ZBTB47: variants seen among roughly 807,000 people sequenced by gnomAD.
The protein encoded by ZBTB47 is zinc finger and BTB domain containing 47.
Under a neutral mutation model 56.6 loss-of-function variants are expected in ZBTB47, and 24 were observed. That is an observed-to-expected ratio of 0.42 (90% CI 0.31 to 0.60). ZBTB47 has a LOEUF of 0.60. Among genes scored for constraint, ZBTB47 ranks in the 20% least tolerant of loss-of-function variants. The pLI, the probability that ZBTB47 is intolerant of heterozygous loss-of-function variation, is 0.14. For missense variants in ZBTB47, 829 were observed against 1,032.6 expected (o/e 0.80, Z 2.70); for synonymous variants, 414 against 418.9 (o/e 0.99, Z 0.14).
intron 2 of ZBTB47, among the ~76,000 whole-genome samples, chr3:42,660,675 G>A (rs1710702333): frequency 6.6e-6 from 1 of 152,222 alleles, no homozygotes; most frequent in Non-Finnish European, 1.5e-5. Context: ...AGTGCCCTGT[G>A]GAGAAAGTGT....
chr3:42,661,726 T>A (rs1710724269), intron 3 of ZBTB47, 94 bp downstream of exon 3: 6 of 1,518,118 alleles, frequency 4.0e-6, no homozygotes, highest in Non-Finnish European at 5.3e-6. Context: ...AAGGGCAATG[T>A]GAAGGGGTGA....
In ZBTB47 at chr3:42,661,733, G is replaced by A. The variant is rs1710724368; in HGVS notation, c.1621+101G>A. On this transcript the variant is annotated intron_variant, in intron 3 of 5. Transcript: ENST00000232974. ...TCACATCCAAGGGCAATGTGAAGGG[G>A]TGAGGAGGCCCCTCTCAGCTAGGAG... The A allele has an allele frequency of 2.7e-6, 4 of 1,476,634 alleles. No homozygotes were observed. The East Asian group carries it at 9.4e-5, about 35-fold the overall frequency. 91.5% of individuals were successfully genotyped at this position (1,476,634 alleles called of 1,614,324 possible). A position where few individuals can be genotyped will look rare whatever the true frequency, so the allele number is the denominator to read the frequency against.
intron 3 of ZBTB47, 53 bp from the exon 4 acceptor site, chr3:42,662,959 G>T: frequency 7.3e-7 from 1 of 1,377,792 alleles, no homozygotes; most frequent in South Asian, 1.2e-5. Flanking sequence ...GCCCAACGTC[G>T]GGGTGCTTGG....
chr3:42,653,070 C>T (rs570599670), upstream of ZBTB47, among the ~76,000 whole-genome samples: 5 of 152,320 alleles, frequency 3.3e-5, no homozygotes, highest in South Asian at 1.0e-3. Flanking sequence ...CTGCCAGGGG[C>T]TTCCAGATGC....
Position 42,667,149 on chromosome 3 carries a change from A to T in ZBTB47, c.*2551A>T, listed in dbSNP as rs1710798615. Reference sequence around the variant, plus strand: ...GATGTCAGAATGAGGCGACTAGGGCACCATACTCACTTTCCAGGGCTGGGG... The same window carrying T: ...GATGTCAGAATGAGGCGACTAGGGCTCCATACTCACTTTCCAGGGCTGGGG... On this transcript the variant is annotated 3_prime_UTR_variant, in exon 6 of 6. Transcript: ENST00000232974. Among the ~76,000 whole-genome samples, 1 of 152,238 alleles carries T rather than the reference A, an allele frequency of 6.6e-6. No individual in the cohort carries two copies. The highest frequency in any genetic ancestry group is 6.5e-5 in the Admixed American group (1 of 15,290).
intron 2 of ZBTB47, among the ~76,000 whole-genome samples, chr3:42,661,252 C>T (rs1710713597): frequency 6.6e-6 from 1 of 152,144 alleles, no homozygotes; most frequent in South Asian, 2.1e-4. Context: ...AGAGGTGACC[C>T]CTGACCCTAG....
Position 42,664,475 on chromosome 3 carries a change from G to A in ZBTB47, c.2121G>A (p.Ala707=), listed in dbSNP as rs747609288. 118 of 1,510,750 alleles carry A rather than the reference G, an allele frequency of 7.8e-5. No individual in the cohort carries two copies. Among genetic ancestry groups the A allele is most frequent in the Non-Finnish European group, 1.5e-5 (17 of 1,133,508 alleles). The allele number at this position is 1,510,750 out of a possible 1,614,324, so 93.6% of individuals were successfully genotyped here. The change falls in exon 6 of 6, where the codon GCG becomes GCA. Residue 707 remains alanine, a synonymous_variant. Transcript: ENST00000232974. ...APGLPPTQPQ[A]HALPLLPGLP... ...GCCTGCCCCCAACCCAGCCCCAGGCGCACGCACTGCCCCTGCTCCCGGGGC... is the reference window on the plus strand; with the variant it reads ...GCCTGCCCCCAACCCAGCCCCAGGCACACGCACTGCCCCTGCTCCCGGGGC...
At position 42,663,226 on chromosome 3, in the gene ZBTB47, A is replaced by G. The variant is rs1710742942; in HGVS notation, c.1737+99A>G. 1.0e-5 allele frequency: 9 copies of G among 884,996 alleles called. No homozygotes were observed. In the East Asian group the frequency reaches 2.3e-4, roughly 22 times the overall value. 54.8% of individuals were successfully genotyped at this position (884,996 alleles called of 1,614,324 possible). A position where few individuals can be genotyped will look rare whatever the true frequency, so the allele number is the denominator to read the frequency against. Reference sequence around the variant, plus strand: ...TGAAAAACAAAGGGCTAGGGGGTGGAATGTAGTGTCCAGAAAGAGAGAGCC... The same window carrying G: ...TGAAAAACAAAGGGCTAGGGGGTGGGATGTAGTGTCCAGAAAGAGAGAGCC... On this transcript the variant is annotated intron_variant, in intron 4 of 5. Transcript: ENST00000232974. The surrounding 1 kb of genome is among the most constrained non-coding windows in gnomAD (Gnocchi z 5.1).
In ZBTB47 at chr3:42,666,023, T is replaced by C. The variant is rs1577631289; in HGVS notation, c.*1425T>C. Reference sequence around the variant, plus strand: ...TATTGCCTTCCCAGCATGGCTGGAGTGGGAAGAGGCTTGGGCCCCGGGGGA... The same window carrying C: ...TATTGCCTTCCCAGCATGGCTGGAGCGGGAAGAGGCTTGGGCCCCGGGGGA... On this transcript the variant is annotated 3_prime_UTR_variant, in exon 6 of 6. Transcript: ENST00000232974. Among the ~76,000 whole-genome samples, 1 of 152,034 alleles carries C rather than the reference T, an allele frequency of 6.6e-6. No homozygotes were observed. Among genetic ancestry groups the C allele is most frequent in the Non-Finnish European group, 1.5e-5 (1 of 67,976 alleles).
At chr3:42,660,742 C>T (rs984017219) in intron 2 of ZBTB47, among the ~76,000 whole-genome samples, 1 of 152,208 alleles carries the variant, frequency 6.6e-6, no homozygotes, top group Non-Finnish European at 1.5e-5. Flanking sequence ...CCCACTTGCC[C>T]GCCTGCTGGG....
chr3:42,664,571 C>T lies in ZBTB47; in HGVS notation c.2217C>T (p.Pro739=), dbSNP rs1270820474. 2.0e-5 allele frequency: 28 copies of T among 1,418,136 alleles called. No homozygotes were observed. The highest frequency in any genetic ancestry group is 2.8e-5 in the East Asian group (1 of 35,164). The allele number at this position is 1,418,136 out of a possible 1,614,324, so 87.8% of individuals were successfully genotyped here. ...PPPLFPTTAS[P]GGRMNANN ...CGCTCTTCCCCACCACTGCCAGCCC[C>T]GGCGGGAGGATGAACGCCAACAACT... Residue 739 remains proline (P), a synonymous_variant, in exon 6 of 6, where the codon CCC becomes CCT. Transcript: ENST00000232974.
intron 1 of ZBTB47, 70 bp from the exon 2 acceptor site, chr3:42,658,205 G>A: frequency 7.1e-7 from 1 of 1,413,044 alleles, no homozygotes; most frequent in Non-Finnish European, 9.3e-7. Flanking sequence ...AATGCTGGGA[G>A]TGGTGCTGGG....
In ZBTB47 at chr3:42,658,838, C is replaced by A; in HGVS notation, c.483C>A (p.Asp161Glu). The A allele has an allele frequency of 6.5e-7, 1 of 1,533,090 alleles. No individual in the cohort carries two copies. The highest frequency in any genetic ancestry group is 8.7e-7 in the Non-Finnish European group (1 of 1,145,290). The allele number at this position is 1,533,090 out of a possible 1,614,324, so 95.0% of individuals were successfully genotyped here. ...AGATCTATGCCCGCGAGGGCCCTGA[C>A]CCTTACTCGGTGCGTGTTGAGGACG... ...LPKIYAREGP[D>E]PYSVRVEDGA... The change falls in exon 2 of 6, where the codon GAC (aspartate) becomes GAA (glutamate). Residue 161 changes from aspartate (D) to glutamate (E), a missense_variant. Transcript: ENST00000232974.
chr3:42,663,103 A>G lies in ZBTB47; in HGVS notation c.1713A>G (p.Ser571=), dbSNP rs1168294797. ...MSLKVHSLQH[S]GEKPFRCENC... is the part of the protein sequence containing the mutation. Reference sequence around the variant, plus strand: ...TCAAGGTGCACTCACTGCAGCACTCAGGGGAGAAGCCGTTCAGATGTGAGG... The same window carrying G: ...TCAAGGTGCACTCACTGCAGCACTCGGGGGAGAAGCCGTTCAGATGTGAGG... Residue 571 remains serine, a synonymous_variant, in exon 4 of 6, where the codon TCA becomes TCG. Transcript: ENST00000232974. This position sits in a 1 kb window ranked among gnomAD's most constrained non-coding sequence, Gnocchi z 5.1. 1.2e-6 allele frequency: 2 copies of G among 1,613,790 alleles called. No homozygotes were observed. The highest frequency in any genetic ancestry group is 1.1e-5 in the South Asian group (1 of 91,084).
At position 42,664,447 on chromosome 3, in the gene ZBTB47, C is replaced by A; in HGVS notation, c.2093C>A (p.Pro698Gln). ...GCCGGCGACGGCGTCCCCGCTGCCCCAGGCCTGCCCCCAACCCAGCCCCAG... is the reference window on the plus strand; with the variant it reads ...GCCGGCGACGGCGTCCCCGCTGCCCAAGGCCTGCCCCCAACCCAGCCCCAG... ...TLAGDGVPAA[P>Q]GLPPTQPQAH... The change falls in exon 6 of 6, where the codon CCA becomes CAA. Residue 698 changes from proline to glutamine, a missense_variant. Transcript: ENST00000232974. 2 of 1,528,402 alleles carry A rather than the reference C, an allele frequency of 1.3e-6. No individual in the cohort carries two copies. The highest frequency in any genetic ancestry group is 4.9e-5 in the East Asian group (2 of 40,728). 94.7% of individuals were successfully genotyped at this position (1,528,402 alleles called of 1,614,324 possible). A position where few individuals can be genotyped will look rare whatever the true frequency, so the allele number is the denominator to read the frequency against.
At position 42,664,517 on chromosome 3, in the gene ZBTB47, G is replaced by GC. The variant is rs1311540732; in HGVS notation, c.2168dup (p.Pro724AlafsTer104). 1.1e-5 allele frequency: 8 copies of GC among 751,704 alleles called. No homozygotes were observed. Among genetic ancestry groups the GC allele is most frequent in the Non-Finnish European group, 1.2e-5 (7 of 577,812 alleles). 46.6% of individuals were successfully genotyped at this position (751,704 alleles called of 1,614,324 possible). ...TCCCGGGGCTGCCCCAGACCCTGCCGCCCCCGCCCCACCTGCCGCCCCCGC... is the reference window on the plus strand; with the variant it reads ...TCCCGGGGCTGCCCCAGACCCTGCCGCCCCCCGCCCCACCTGCCGCCCCCGC... On this transcript the variant is annotated frameshift_variant, in exon 6 of 6. Coordinates refer to ENST00000232974, the MANE Select transcript of ZBTB47 (RefSeq NM_145166.4). LOFTEE classifies it low-confidence loss of function (END_TRUNC).
rs1324500974 is a variant in ZBTB47 at position 42,654,077 on chromosome 3, C to A, written c.-82+194C>A. 1 of 152,366 alleles carries A rather than the reference C, an allele frequency of 6.6e-6. No homozygotes were observed. The highest frequency in any genetic ancestry group is 1.5e-5 in the Non-Finnish European group (1 of 68,212). 9.4% of individuals were successfully genotyped at this position (152,366 alleles called of 1,614,324 possible). On this transcript the variant is annotated intron_variant, in intron 1 of 5. Coordinates refer to ENST00000232974, the MANE Select transcript of ZBTB47 (RefSeq NM_145166.4). The surrounding 1 kb of genome is among the most constrained non-coding windows in gnomAD (Gnocchi z 5.0). ...GGGTTCAGTCCCTCAGCGTGGGATCCCTCAGGGGAGCGGGTGGAAGCCTTT... is the reference window on the plus strand; with the variant it reads ...GGGTTCAGTCCCTCAGCGTGGGATCACTCAGGGGAGCGGGTGGAAGCCTTT...
intron 1 of ZBTB47, among the ~76,000 whole-genome samples, chr3:42,657,288 T>A (rs1459682638): frequency 6.6e-6 from 1 of 152,190 alleles, no homozygotes; most frequent in Non-Finnish European, 1.5e-5. Context: ...AAGCCCCAGA[T>A]GGTGTGGCCT....
Position 42,659,794 on chromosome 3 carries a change from T to C in ZBTB47, c.1439T>C (p.Leu480Pro). 1 of 1,612,762 alleles carries C rather than the reference T, an allele frequency of 6.2e-7. No homozygotes were observed. Among genetic ancestry groups the C allele is most frequent in the Non-Finnish European group, 8.5e-7 (1 of 1,179,268 alleles). The change falls in exon 2 of 6, where the codon CTG (leucine) becomes CCG (proline). Residue 480 changes from leucine (L) to proline (P), a missense_variant. Around this residue, in one of 6 missense-constraint regions of ZBTB47, gnomAD observed 187 missense variants for 253.1 expected, o/e 0.74. Coordinates refer to ENST00000232974, the MANE Select transcript of ZBTB47 (RefSeq NM_145166.4). Reference protein sequence around the residue: ...KRFLLESELLLHRQTDCERNI... With the variant: ...KRFLLESELLPHRQTDCERNI... ...TTCCTGCTGGAGAGCGAGCTGCTGC[T>C]GCACAGGCAGACAGACTGCGAGCGC... is the stretch of plus-strand genomic sequence containing the variant.
Sources: allele counts gnomAD v4.1 joint callset (sites outside exome capture counted in the v4.1 genomes callset), GRCh38; gene constraint gnomAD v4.1.1; regional missense constraint gnomAD v4.1.1; non-coding constraint Gnocchi (gnomAD v3.1); transcripts MANE v1.5; gene names NCBI Gene and HGNC (gene_info 2026-07-23, HGNC 2026-07-21).